Variants in RALGAPA1 observed in about 807,000 individuals in gnomAD.
RALGAPA1 encodes the protein ral GTPase-activating protein subunit alpha-1.
RALGAPA1 carries 52 observed loss-of-function variants against 269.6 expected under a neutral mutation model. The observed-to-expected ratio is 0.19, with a 90% confidence interval of 0.15 to 0.24. The LOEUF (loss-of-function observed/expected upper bound fraction) is 0.24. Ranked by LOEUF, RALGAPA1 falls within the 10% of genes least tolerant of loss-of-function variation. RALGAPA1 has a pLI of 1.00. For missense variants in RALGAPA1, 1,917 were observed against 3,013.9 expected (o/e 0.64, Z 8.52); for synonymous variants, 817 against 1,008.3 (o/e 0.81, Z 3.60).
intron 35 of RALGAPA1, among the ~76,000 whole-genome samples, chr14:35,606,975 T>A (rs897915261): frequency 6.6e-6 from 1 of 152,186 alleles, no homozygotes; most frequent in Non-Finnish European, 1.5e-5. Flanking sequence ...GTCAGATGTA[T>A]CAGTAGGATA....
chr14:35,572,730 A>C lies in RALGAPA1; in HGVS notation c.7210-12T>G. ...CCCAAATGTCTCAACTGGAAAGACA[A>C]GAAAACAATTTATACTGCTTTAAAA... On this transcript the variant is annotated splice_polypyrimidine_tract_variant and intron_variant, in intron 37 of 41. Coordinates refer to ENST00000680220, the MANE Select transcript of RALGAPA1 (RefSeq NM_001346249.2). 4 of 1,590,640 alleles carry C rather than the reference A, an allele frequency of 2.5e-6. No homozygotes were observed. The highest frequency in any genetic ancestry group is 3.4e-6 in the Non-Finnish European group (4 of 1,169,840).
intron 4 of RALGAPA1, among the ~76,000 whole-genome samples, chr14:35,767,327 T>A (rs1331776651): frequency 6.6e-6 from 1 of 152,084 alleles, no homozygotes; most frequent in Admixed American, 6.6e-5. Context: ...AAATTTATAG[T>A]TTTAAATACC....
In RALGAPA1 at chr14:35,688,776, T is replaced by C; in HGVS notation, c.3635A>G (p.Tyr1212Cys). The C allele has an allele frequency of 7.0e-7, 1 of 1,428,246 alleles. No homozygotes were observed. 88.5% of individuals were successfully genotyped at this position (1,428,246 alleles called of 1,614,324 possible). A position where few individuals can be genotyped will look rare whatever the true frequency, so the allele number is the denominator to read the frequency against. The change falls in exon 18 of 42, where the codon TAC becomes TGC. Residue 1212 changes from tyrosine to cysteine, a missense_variant. Around this residue, in one of 11 missense-constraint regions of RALGAPA1, gnomAD observed 615 missense variants for 790.0 expected, o/e 0.78. Transcript: ENST00000680220. ...SATELVKPGV[Y>C]RPLDTLGTAS... ...AGTACCAAGTGTATCTAGAGGTCTG[T>C]ACACACCAGGTTTTACTAGCTCTGT...
intron 13 of RALGAPA1, among the ~76,000 whole-genome samples, chr14:35,728,144 C>T: frequency 6.6e-6 from 1 of 152,190 alleles, no homozygotes; most frequent in East Asian, 1.9e-4. Context: ...ATGCTCACTT[C>T]AGGAAGACAG....
At chr14:35,672,226 T>C (rs1011632333) in intron 25 of RALGAPA1, among the ~76,000 whole-genome samples, 1 of 152,180 alleles carries the variant, frequency 6.6e-6, no homozygotes, top group Non-Finnish European at 1.5e-5. Flanking sequence ...CTTTTAATAT[T>C]AATATACTCT....
At chr14:35,727,535 A>C (rs969183989) in intron 13 of RALGAPA1, among the ~76,000 whole-genome samples, 10 of 151,602 alleles carry the variant, frequency 6.6e-5, no homozygotes, top group Admixed American at 5.3e-4. Flanking sequence ...TCTCCCCAAA[A>C]GGTCTATTTT....
chr14:35,800,412 T>G (rs1177427499), intron 1 of RALGAPA1, among the ~76,000 whole-genome samples: 1 of 152,194 alleles, frequency 6.6e-6, no homozygotes, highest in Non-Finnish European at 1.5e-5. Flanking sequence ...ACAATGGAAT[T>G]GAATTAGAAA....
At chr14:35,807,978 G>A (rs893198446) in intron 1 of RALGAPA1, 1 of 152,150 alleles carries the variant, frequency 6.6e-6, no homozygotes, top group African/African-American at 2.4e-5. Context: ...TGGACCAGAT[G>A]TTCCATAAGT....
At chr14:35,769,794 C>G (rs987971950) in intron 4 of RALGAPA1, among the ~76,000 whole-genome samples, 1 of 152,000 alleles carries the variant, frequency 6.6e-6, no homozygotes, top group African/African-American at 2.4e-5. Flanking sequence ...AAACCTATAA[C>G]AAGAAATTGA....
chr14:35,545,032 A>G (rs113563506), intron 41 of RALGAPA1, among the ~76,000 whole-genome samples: 1 of 152,130 alleles, frequency 6.6e-6, no homozygotes, highest in African/African-American at 2.4e-5. Flanking sequence ...CTGTCTCAAA[A>G]AAAACAAAAA....
Position 35,678,047 on chromosome 14 carries a change from A to G in RALGAPA1, c.4527T>C (p.Pro1509=). 1.5e-5 allele frequency: 24 copies of G among 1,611,564 alleles called. No individual in the cohort carries two copies. The highest frequency in any genetic ancestry group is 2.0e-5 in the Non-Finnish European group (24 of 1,179,492). The part of the protein sequence containing the change: ...HSPLGSRSQT[P]SPSTLNIDHM... ...GATCTATATTCAATGTAGAAGGGGA[A>G]GGAGTCTGTGACCTGGAGCCCAGAG... The change falls in exon 22 of 42, where the codon CCT becomes CCC. Residue 1509 remains proline (P), a synonymous_variant. Coordinates refer to ENST00000680220, the MANE Select transcript of RALGAPA1 (RefSeq NM_001346249.2).
At chr14:35,634,236 T>C (rs2061532112) in intron 33 of RALGAPA1, among the ~76,000 whole-genome samples, 1 of 152,148 alleles carries the variant, frequency 6.6e-6, no homozygotes, top group Non-Finnish European at 1.5e-5. Context: ...CATTGGAGCA[T>C]TTCAGATTTT....
intron 31 of RALGAPA1, among the ~76,000 whole-genome samples, chr14:35,647,574 T>C (rs2062517625): frequency 6.6e-6 from 1 of 152,214 alleles, no homozygotes. Context: ...AATTAGAAGA[T>C]ACTGGAATGC....
chr14:35,769,368 T>A (rs995818237), intron 4 of RALGAPA1, among the ~76,000 whole-genome samples: 1 of 152,012 alleles, frequency 6.6e-6, no homozygotes, highest in African/African-American at 2.4e-5. Flanking sequence ...TCAAATATCA[T>A]ATACTCTCAT....
intron 1 of RALGAPA1, among the ~76,000 whole-genome samples, chr14:35,801,619 T>C (rs1048335819): frequency 1.4e-4 from 21 of 152,168 alleles, no homozygotes; most frequent in African/African-American, 5.1e-4. Context: ...CAACAATTTA[T>C]ACCTATAAAT....
chr14:35,667,628 G>C (rs1044110144), intron 26 of RALGAPA1, among the ~76,000 whole-genome samples: 7 of 152,186 alleles, frequency 4.6e-5, no homozygotes, highest in Non-Finnish European at 8.8e-5. Context: ...CATGCCAAAA[G>C]TTTCTGGTGT....
chr14:35,734,817 T>C (rs570548849), intron 12 of RALGAPA1, among the ~76,000 whole-genome samples: 15 of 152,054 alleles, frequency 9.9e-5, no homozygotes, highest in African/African-American at 3.4e-4. Flanking sequence ...AAAGGACTAA[T>C]ATCCAGAATC....
At chr14:35,651,297 A>T (rs1485080495) in intron 31 of RALGAPA1, among the ~76,000 whole-genome samples, 1 of 152,198 alleles carries the variant, frequency 6.6e-6, no homozygotes, top group Non-Finnish European at 1.5e-5. Context: ...CAAAACAAAA[A>T]GTAACTCTAG....
intron 39 of RALGAPA1, among the ~76,000 whole-genome samples, chr14:35,570,140 G>A (rs1269126316): frequency 5.3e-5 from 8 of 151,822 alleles, no homozygotes; most frequent in African/African-American, 1.7e-4. Flanking sequence ...TGTGGTGGTG[G>A]ATGCCTGTAA....
Sources: allele counts gnomAD v4.1 joint callset (sites outside exome capture counted in the v4.1 genomes callset), GRCh38; gene constraint gnomAD v4.1.1; regional missense constraint gnomAD v4.1.1; transcripts MANE v1.5; gene names NCBI Gene and HGNC (gene_info 2026-07-23, HGNC 2026-07-21).